Variants in CHRM3 observed in about 807,000 individuals in gnomAD.
CHRM3 encodes the protein muscarinic acetylcholine receptor M3.
Under a neutral mutation model 41.8 loss-of-function variants are expected in CHRM3, and 11 were observed. The observed-to-expected ratio is 0.26, with a 90% confidence interval of 0.17 to 0.44. The LOEUF (loss-of-function observed/expected upper bound fraction) is 0.44, where lower values mean the gene tolerates loss of function less well. Ranked by LOEUF, CHRM3 falls within the 20% of genes least tolerant of loss-of-function variation. CHRM3 has a pLI of 1.00. For missense variants in CHRM3, 571 were observed against 745.4 expected, an observed-to-expected ratio of 0.77 and a Z score of 2.72; for synonymous variants, 297 against 301.4, an observed-to-expected ratio of 0.99 and a Z score of 0.15.
intron 2 of CHRM3, among the ~76,000 whole-genome samples, chr1:239,508,961 T>C (rs1242501710): frequency 2.0e-5 from 3 of 152,206 alleles, no homozygotes; most frequent in African/African-American, 7.2e-5. Flanking sequence ...AGGAATTTAT[T>C]TAGAAACAAC....
intron 5 of CHRM3, among the ~76,000 whole-genome samples, chr1:239,711,215 T>C (rs768978720): frequency 1.4e-4 from 21 of 152,212 alleles, no homozygotes; most frequent in East Asian, 7.8e-4. Context: ...ATGCATGGAT[T>C]GTGTCTGTAA....
chr1:239,499,405 T>C (rs557234959), intron 2 of CHRM3, among the ~76,000 whole-genome samples: 3 of 152,300 alleles, frequency 2.0e-5, no homozygotes, highest in African/African-American at 7.2e-5. Context: ...AAGCACATAT[T>C]GAACACTTAC....
intron 5 of CHRM3, among the ~76,000 whole-genome samples, chr1:239,801,090 G>A (rs2148919051): frequency 6.6e-6 from 1 of 152,300 alleles, no homozygotes; most frequent in Non-Finnish European, 1.5e-5. Flanking sequence ...TTGTAGTACT[G>A]ATGACAACCA....
intron 4 of CHRM3, among the ~76,000 whole-genome samples, chr1:239,643,047 C>G (rs1320904372): frequency 6.6e-6 from 1 of 152,182 alleles, no homozygotes; most frequent in Non-Finnish European, 1.5e-5. Flanking sequence ...CCCTGTTTGC[C>G]TGGGTATCAG....
At chr1:239,503,963 C>G (rs1425705692) in intron 2 of CHRM3, among the ~76,000 whole-genome samples, 1 of 152,076 alleles carries the variant, frequency 6.6e-6, no homozygotes, top group Admixed American at 6.5e-5. Context: ...TATAAAAGTT[C>G]TAGAAGATAA....
intron 3 of CHRM3, among the ~76,000 whole-genome samples, chr1:239,588,047 T>A (rs1331883953): frequency 6.6e-6 from 1 of 152,252 alleles, no homozygotes; most frequent in Non-Finnish European, 1.5e-5. Context: ...TCTGCTCTCC[T>A]AATTCAAAGC....
intron 1 of CHRM3, among the ~76,000 whole-genome samples, chr1:239,433,858 G>T (rs150487664): frequency 6.6e-6 from 1 of 151,986 alleles, no homozygotes; most frequent in Non-Finnish European, 1.5e-5. Flanking sequence ...TTATCCACTC[G>T]TTGATCCATG....
intron 3 of CHRM3, among the ~76,000 whole-genome samples, chr1:239,573,150 A>G (rs1428583692): frequency 3.3e-5 from 5 of 151,968 alleles, no homozygotes; most frequent in African/African-American, 9.7e-5. Flanking sequence ...AGTTCCTCGC[A>G]TTCTTTTTTT....
chr1:239,590,502 T>C (rs369323203), intron 3 of CHRM3, among the ~76,000 whole-genome samples: 6 of 152,318 alleles, frequency 3.9e-5, no homozygotes, highest in South Asian at 4.1e-4. Context: ...CCTAAGAAGA[T>C]TGTTGTAACC....
chr1:239,723,705 A>G (rs937069007), intron 5 of CHRM3, among the ~76,000 whole-genome samples: 3 of 151,848 alleles, frequency 2.0e-5, no homozygotes, highest in African/African-American at 7.3e-5. Context: ...TTTGGGGCAA[A>G]TTGTATGAGA....
chr1:239,639,363 C>G (rs1488765213), intron 4 of CHRM3, among the ~76,000 whole-genome samples: 1 of 152,164 alleles, frequency 6.6e-6, no homozygotes, highest in Non-Finnish European at 1.5e-5. Context: ...ACAGTATGGC[C>G]ATTTTTACGA....
chr1:239,844,894 G>A (rs538484721), intron 6 of CHRM3, among the ~76,000 whole-genome samples: 6 of 152,196 alleles, frequency 3.9e-5, no homozygotes, highest in Non-Finnish European at 8.8e-5. Flanking sequence ...AAGTAGAGGG[G>A]TGGAGGAGAA....
At chr1:239,852,126 G>C (rs1674745556) in intron 6 of CHRM3, among the ~76,000 whole-genome samples, 1 of 152,034 alleles carries the variant, frequency 6.6e-6, no homozygotes, top group Non-Finnish European at 1.5e-5. Flanking sequence ...TCTTCTATTT[G>C]TATTTACACT....
At chr1:239,905,045 C>T (rs1419286686) in intron 6 of CHRM3, among the ~76,000 whole-genome samples, 2 of 152,170 alleles carry the variant, frequency 1.3e-5, no homozygotes, top group South Asian at 2.1e-4. Context: ...ACTGCAACCC[C>T]AAGACCATGA....
intron 4 of CHRM3, among the ~76,000 whole-genome samples, chr1:239,649,462 T>G (rs2148960553): frequency 6.8e-6 from 1 of 147,002 alleles, no homozygotes; most frequent in Middle Eastern, 3.4e-3. Context: ...TGATTTGAAA[T>G]GAGCTAAAAA....
intron 5 of CHRM3, among the ~76,000 whole-genome samples, chr1:239,763,500 C>A (rs1666964223): frequency 6.6e-6 from 1 of 152,190 alleles, no homozygotes; most frequent in African/African-American, 2.4e-5. Context: ...TTAACAACAT[C>A]ACTTAAATAT....
chr1:239,817,551 G>T lies in CHRM3; in HGVS notation c.-146-9701G>T, dbSNP rs141992993. 2.1e-3 allele frequency among the ~76,000 whole-genome samples: 321 copies of T among 151,822 alleles called. 2 individuals carry two copies. Among genetic ancestry groups the T allele is most frequent in the African/African-American group, 7.1e-3 (293 of 41,392 alleles). Reference sequence around the variant, plus strand: ...AAAGGCATGAGGAAGCTTCCCACGGGCTACTGGAGGCACTGTCTTTGGCTT... The same window carrying T: ...AAAGGCATGAGGAAGCTTCCCACGGTCTACTGGAGGCACTGTCTTTGGCTT... On this transcript the variant is annotated intron_variant, in intron 5 of 6. Coordinates refer to ENST00000676153, the MANE Select transcript of CHRM3 (RefSeq NM_001375978.1).
chr1:239,432,179 G>A (rs1050744178), intron 1 of CHRM3, among the ~76,000 whole-genome samples: 3 of 152,110 alleles, frequency 2.0e-5, no homozygotes, highest in African/African-American at 7.2e-5. Flanking sequence ...ATAAGGAAGA[G>A]GAAGAAGACA....
Position 239,910,794 on chromosome 1 carries a change from C to T in CHRM3, c.*1570C>T, listed in dbSNP as rs555704417. 436 of 166,958 alleles carry T rather than the reference C, an allele frequency of 2.6e-3. 13 individuals are homozygous for T. Among genetic ancestry groups the T allele is most frequent in the Non-Finnish European group, 3.5e-3 (236 of 68,070 alleles). The allele number at this position is 166,958 out of a possible 1,614,324, so 10.3% of individuals were successfully genotyped here. ...GGAGATATCTTCCCTTTGTACAGGGCATTCGTGTTGTGAACCCAGAGCTGG... is the reference window on the plus strand; with the variant it reads ...GGAGATATCTTCCCTTTGTACAGGGTATTCGTGTTGTGAACCCAGAGCTGG... On this transcript the variant is annotated 3_prime_UTR_variant, in exon 7 of 7. Transcript: ENST00000676153.
Sources: gnomAD v4.1 joint callset for allele counts (sites outside exome capture counted in the v4.1 genomes callset) on GRCh38, gnomAD v4.1.1 for gene constraint, MANE v1.5 for transcripts, NCBI Gene and HGNC (gene_info 2026-07-23, HGNC 2026-07-21) for gene names.